The following TMEM132B variants were observed in gnomAD, a reference collection of about 807,000 sequenced individuals.
TMEM132B encodes transmembrane protein 132B.
A neutral mutation model predicts 90.8 loss-of-function variants in TMEM132B; 18 were observed. The observed-to-expected ratio is 0.20, with a 90% CI of 0.14 to 0.29. The LOEUF is 0.29. Among genes scored for constraint, TMEM132B ranks in the 10% least tolerant of loss-of-function variants. The pLI is 1.00. For synonymous variants in TMEM132B, 504 were observed against 523.3 expected, an observed-to-expected ratio of 0.96 and a Z score of 0.50; for missense variants, 1,096 against 1,326.8, an observed-to-expected ratio of 0.83 and a Z score of 2.70.
At chr12:125,188,262 G>C (rs867610281) in intron 1 of TMEM132B, among the ~76,000 whole-genome samples, 3 of 152,194 alleles carry the variant, frequency 2.0e-5, no homozygotes, top group African/African-American at 7.2e-5. Flanking sequence ...GCTTGGCTAA[G>C]GAGCAGCTAT....
chr12:125,199,570 T>C (rs1873007993), intron 1 of TMEM132B, among the ~76,000 whole-genome samples: 1 of 152,188 alleles, frequency 6.6e-6, no homozygotes, highest in Admixed American at 6.5e-5. Flanking sequence ...TCTGTTCAGA[T>C]TGGGTTCATC....
intron 5 of TMEM132B, among the ~76,000 whole-genome samples, chr12:125,623,206 A>C (rs1886154251): frequency 6.6e-6 from 1 of 152,182 alleles, no homozygotes; most frequent in South Asian, 2.1e-4. Flanking sequence ...CTAGGCTTAC[A>C]AATGTTGGTG....
At chr12:125,484,925 C>T (rs371838707) in intron 3 of TMEM132B, among the ~76,000 whole-genome samples, 1 of 152,054 alleles carries the variant, frequency 6.6e-6, no homozygotes, top group South Asian at 2.1e-4. Context: ...TTTTTTCCAC[C>T]TTTTCTCTTA....
chr12:125,338,286 C>T (rs1382113679), intron 1 of TMEM132B, among the ~76,000 whole-genome samples: 1 of 152,186 alleles, frequency 6.6e-6, no homozygotes, highest in African/African-American at 2.4e-5. Context: ...CATGCTGTGA[C>T]CAGCTCTCTT....
At chr12:125,626,892 C>T (rs1473653897) in intron 5 of TMEM132B, among the ~76,000 whole-genome samples, 1 of 151,954 alleles carries the variant, frequency 6.6e-6, no homozygotes. Flanking sequence ...ATTTTTTGAG[C>T]CCTGTTTTAT....
chr12:125,362,650 C>G (rs1349426828), intron 2 of TMEM132B, among the ~76,000 whole-genome samples: 1 of 152,216 alleles, frequency 6.6e-6, no homozygotes, highest in Non-Finnish European at 1.5e-5. Flanking sequence ...AGCCACCATT[C>G]TACTCTGTAC....
intron 1 of TMEM132B, among the ~76,000 whole-genome samples, chr12:125,299,144 C>T (rs530486230): frequency 1.8e-4 from 28 of 152,206 alleles, no homozygotes; most frequent in African/African-American, 5.3e-4. Flanking sequence ...TGCACCCTGG[C>T]GCTCTGCTGC....
chr12:125,193,338 C>T (rs539092174), intron 1 of TMEM132B, among the ~76,000 whole-genome samples: 1 of 152,146 alleles, frequency 6.6e-6, no homozygotes, highest in Non-Finnish European at 1.5e-5. Flanking sequence ...TGACTTCTGC[C>T]CTGATGGTGC....
At position 125,459,767 on chromosome 12, in the gene TMEM132B, T is replaced by C. The variant is rs576973621; in HGVS notation, c.1106+44090T>C. 7.9e-5 allele frequency among the ~76,000 whole-genome samples: 12 copies of C among 152,336 alleles called. No individual in the cohort carries two copies. The highest frequency in any genetic ancestry group is 6.2e-4 in the South Asian group (3 of 4,828). Reference sequence around the variant, plus strand: ...GTCCCCACCCAAATCTCATCCTGAATTGTAGCTCCCATAATTCCCATGTGT... The same window carrying C: ...GTCCCCACCCAAATCTCATCCTGAACTGTAGCTCCCATAATTCCCATGTGT... On this transcript the variant is annotated intron_variant, in intron 3 of 8. Transcript: ENST00000682704. This position sits in a 1 kb window ranked among gnomAD's most constrained non-coding sequence, Gnocchi z 4.1.
rs75600501 is a variant in TMEM132B, at chr12:125,356,217, C to T, written c.959+5874C>T. ...TGGGCTGACCTCTCCGTCTCTTAGA[C>T]GGTGGAGCCCAGTGGTTAAGAATGT... On this transcript the variant is annotated intron_variant, in intron 2 of 8. Coordinates refer to ENST00000682704, the MANE Select transcript of TMEM132B (RefSeq NM_001366854.1). Among the ~76,000 whole-genome samples the T allele has an allele frequency of 9.9e-4, 151 of 152,238 alleles. 1 individual carries two copies. The highest frequency in any genetic ancestry group is 3.6e-3 in the African/African-American group (148 of 41,546).
At chr12:125,555,231 A>G (rs1423522561) in intron 4 of TMEM132B, among the ~76,000 whole-genome samples, 2 of 152,178 alleles carry the variant, frequency 1.3e-5, no homozygotes, top group African/African-American at 2.4e-5. Context: ...AAATTCATGC[A>G]TATTGGAACC....
intron 5 of TMEM132B, among the ~76,000 whole-genome samples, chr12:125,589,583 A>T (rs1885272095): frequency 6.6e-6 from 1 of 151,804 alleles, no homozygotes; most frequent in East Asian, 1.9e-4. Flanking sequence ...TACAGGAAGC[A>T]TGGTTCTGAT....
chr12:125,228,124 C>T (rs1873723427), intron 1 of TMEM132B, among the ~76,000 whole-genome samples: 1 of 152,178 alleles, frequency 6.6e-6, no homozygotes, highest in Non-Finnish European at 1.5e-5. Flanking sequence ...TCAAGAGTAG[C>T]TGGAATCTGC....
chr12:125,209,764 T>C lies in TMEM132B; in HGVS notation c.67+22898T>C. Among the ~76,000 whole-genome samples, 1 of 152,210 alleles carries C rather than the reference T, an allele frequency of 6.6e-6. No homozygotes were observed. On this transcript the variant is annotated intron_variant, in intron 1 of 8. Transcript: ENST00000682704. This position sits in a 1 kb window ranked among gnomAD's most constrained non-coding sequence, Gnocchi z 4.4. ...GATGGAATGCAAGGGTTACTAATTT[T>C]ATTAAAGAACACAATGACACCAGTT...
chr12:125,452,957 G>A (rs61945397), intron 3 of TMEM132B, among the ~76,000 whole-genome samples: 17,025 of 151,810 alleles, frequency 0.11, 988 homozygotes, highest in African/African-American at 0.15. Context: ...TAAGTATTGC[G>A]GTAGTTTAAT....
Position 125,655,452 on chromosome 12 carries a change from G to A in TMEM132B, c.*742G>A, listed in dbSNP as rs970243246. On this transcript the variant is annotated 3_prime_UTR_variant, in exon 9 of 9. Coordinates refer to ENST00000682704, the MANE Select transcript of TMEM132B (RefSeq NM_001366854.1). ...CTTCCTTTTGTTGTTGAACTTTCTTGTATAACACTGGGACAAAGGGTTTTA... is the reference window on the plus strand; with the variant it reads ...CTTCCTTTTGTTGTTGAACTTTCTTATATAACACTGGGACAAAGGGTTTTA... 1.3e-5 allele frequency: 2 copies of A among 152,150 alleles called. No individual in the cohort carries two copies. Among genetic ancestry groups the A allele is most frequent in the African/African-American group, 2.4e-5 (1 of 41,432 alleles). 9.4% of individuals were successfully genotyped at this position (152,150 alleles called of 1,614,324 possible).
chr12:125,589,215 G>A (rs966848078), intron 5 of TMEM132B, among the ~76,000 whole-genome samples: 1 of 151,874 alleles, frequency 6.6e-6, no homozygotes, highest in Non-Finnish European at 1.5e-5. Flanking sequence ...GGGCACGGTG[G>A]CTCACGCCTG....
intron 1 of TMEM132B, among the ~76,000 whole-genome samples, chr12:125,339,299 G>A (rs193145229): frequency 6.6e-6 from 1 of 152,272 alleles, no homozygotes; most frequent in African/African-American, 2.4e-5. Context: ...CAGCAGGTTT[G>A]TTTTCTTCTG....
At chr12:125,417,349 G>A (rs1282176432) in intron 3 of TMEM132B, among the ~76,000 whole-genome samples, 8 of 152,184 alleles carry the variant, frequency 5.3e-5, no homozygotes, top group African/African-American at 1.9e-4. Flanking sequence ...GAGAGGCAGG[G>A]TACCCTTGGA....
Sources: allele counts gnomAD v4.1 joint callset (sites outside exome capture counted in the v4.1 genomes callset), GRCh38; gene constraint gnomAD v4.1.1; non-coding constraint Gnocchi (gnomAD v3.1); transcripts MANE v1.5; gene names NCBI Gene and HGNC (gene_info 2026-07-23, HGNC 2026-07-21).